The following ZNF804B variants were observed in gnomAD, a reference collection of about 807,000 sequenced individuals.
ZNF804B encodes zinc finger protein 804B, also known as zinc finger 804B.
A neutral mutation model predicts 101.4 loss-of-function variants in ZNF804B; 80 were observed. That is an observed-to-expected ratio of 0.79 (90% CI 0.66 to 0.95). ZNF804B has a LOEUF of 0.95. Among genes scored for constraint, ZNF804B ranks in the 40% least tolerant of loss-of-function variants. The pLI is 0.00. For missense variants in ZNF804B, 1,673 were observed against 1,561.9 expected, an observed-to-expected ratio of 1.07 and a Z score of -1.20; for synonymous variants, 622 against 558.8, an observed-to-expected ratio of 1.11 and a Z score of -1.59.
At chr7:89,296,608 A>G (rs765579609) in intron 2 of ZNF804B, among the ~76,000 whole-genome samples, 16 of 152,136 alleles carry the variant, frequency 1.1e-4, no homozygotes, top group Non-Finnish European at 1.8e-4. Context: ...TACATAGGAG[A>G]TCTCAGCGTC....
intron 2 of ZNF804B, among the ~76,000 whole-genome samples, chr7:89,271,613 C>T (rs1324076069): frequency 2.0e-5 from 3 of 151,956 alleles, no homozygotes; most frequent in South Asian, 2.1e-4. Flanking sequence ...TCCCTCTGTT[C>T]CTATTGATTG....
intron 1 of ZNF804B, among the ~76,000 whole-genome samples, chr7:88,866,201 T>A (rs1372538512): frequency 6.6e-6 from 1 of 152,236 alleles, no homozygotes; most frequent in Non-Finnish European, 1.5e-5. Flanking sequence ...ACTCTTGATT[T>A]AATTGTGATT....
intron 1 of ZNF804B, among the ~76,000 whole-genome samples, chr7:89,156,111 CTCTTTCCT>C (rs978033334): frequency 1.6e-5 from 2 of 128,324 alleles, no homozygotes; most frequent in African/African-American, 3.0e-5. Context: ...CTCTCTTTCT[CTCTTTCCT>C]TCTTTCCTTC....
chr7:89,289,390 T>TA (rs1334466605), intron 2 of ZNF804B, among the ~76,000 whole-genome samples: 1 of 151,934 alleles, frequency 6.6e-6, no homozygotes, highest in Non-Finnish European at 1.5e-5. Context: ...TTCTTAAGAA[T>TA]AAAAATCAGG....
At chr7:88,819,723 C>T (rs1476555729) in intron 1 of ZNF804B, among the ~76,000 whole-genome samples, 3 of 152,080 alleles carry the variant, frequency 2.0e-5, no homozygotes, top group African/African-American at 7.2e-5. Context: ...ACATGAATTG[C>T]TAGGTAGAAA....
chr7:89,011,343 C>T (rs1257559530), intron 1 of ZNF804B, among the ~76,000 whole-genome samples: 1 of 152,106 alleles, frequency 6.6e-6, no homozygotes, highest in East Asian at 1.9e-4. Context: ...ATCATTCTGC[C>T]CCTGGCACCT....
chr7:89,037,191 C>A (rs1274066273), intron 1 of ZNF804B, among the ~76,000 whole-genome samples: 6 of 152,036 alleles, frequency 3.9e-5, no homozygotes, highest in Non-Finnish European at 8.8e-5. Flanking sequence ...GAAATGTATT[C>A]AAGTTGACCT....
intron 1 of ZNF804B, among the ~76,000 whole-genome samples, chr7:89,023,900 T>G (rs1219557913): frequency 6.6e-6 from 1 of 152,196 alleles, no homozygotes; most frequent in Non-Finnish European, 1.5e-5. Context: ...TAGGAAGTTT[T>G]AAACTGATAA....
intron 2 of ZNF804B, among the ~76,000 whole-genome samples, chr7:89,321,072 C>T (rs2115968284): frequency 6.6e-6 from 1 of 152,100 alleles, no homozygotes; most frequent in East Asian, 1.9e-4. Context: ...ACCATGTATA[C>T]TGAAATGAAG....
intron 2 of ZNF804B, among the ~76,000 whole-genome samples, chr7:89,220,049 A>ATATACGCACATATATGTGTG (rs1431553155): frequency 0.039 from 3,961 of 101,852 alleles, 694 homozygotes; most frequent in Non-Finnish European, 0.047. Context: ...ATATGTGCAT[A>ATATACGCACATATATGTGTG]TATACATATA....
rs186290594 is a variant in ZNF804B, at chr7:88,875,865, A to C, written c.108+115781A>C. 1.4e-3 allele frequency among the ~76,000 whole-genome samples: 218 copies of C among 152,314 alleles called. 4 individuals are homozygous for C. The highest frequency in any genetic ancestry group is 0.013 in the Admixed American group (194 of 15,292). Reference sequence around the variant, plus strand: ...GGGCAGAGACACAACCAAAAAAGAGAATTTTAGACCAATATCCTTGATGAA... The same window carrying C: ...GGGCAGAGACACAACCAAAAAAGAGCATTTTAGACCAATATCCTTGATGAA... On this transcript the variant is annotated intron_variant, in intron 1 of 3. Coordinates refer to ENST00000333190, the MANE Select transcript of ZNF804B (RefSeq NM_181646.5).
intron 2 of ZNF804B, among the ~76,000 whole-genome samples, chr7:89,253,226 AT>A (rs1789569237): frequency 6.6e-6 from 1 of 152,164 alleles, no homozygotes; most frequent in Admixed American, 6.5e-5. Context: ...AAATTTAAGT[AT>A]TTTTATAAAC....
intron 1 of ZNF804B, among the ~76,000 whole-genome samples, chr7:89,141,781 A>T (rs10266415): frequency 2.0e-5 from 3 of 151,438 alleles, no homozygotes; most frequent in Non-Finnish European, 4.4e-5. Flanking sequence ...AATATATGGG[A>T]GATTTGTAAG....
intron 1 of ZNF804B, among the ~76,000 whole-genome samples, chr7:88,847,458 T>C (rs1791392135): frequency 1.3e-5 from 2 of 152,138 alleles, no homozygotes; most frequent in Non-Finnish European, 2.9e-5. Context: ...TAAGCTTAAT[T>C]TTAAAACTGA....
chr7:89,313,993 C>T (rs1001387088), intron 2 of ZNF804B, among the ~76,000 whole-genome samples: 1 of 152,160 alleles, frequency 6.6e-6, no homozygotes, highest in Non-Finnish European at 1.5e-5. Context: ...TTTTACTTTA[C>T]ATACCTCTAT....
intron 2 of ZNF804B, among the ~76,000 whole-genome samples, chr7:89,285,027 T>C (rs945909617): frequency 6.6e-6 from 1 of 151,782 alleles, no homozygotes; most frequent in African/African-American, 2.4e-5. Context: ...AGTGAGACCC[T>C]GTCTCCACTA....
At chr7:88,997,799 C>G (rs1351741334) in intron 1 of ZNF804B, among the ~76,000 whole-genome samples, 1 of 152,110 alleles carries the variant, frequency 6.6e-6, no homozygotes, top group African/African-American at 2.4e-5. Context: ...TCCTATCGCA[C>G]CACTCAAAAT....
intron 2 of ZNF804B, among the ~76,000 whole-genome samples, chr7:89,307,654 A>C (rs527319379): frequency 6.6e-6 from 1 of 152,168 alleles, no homozygotes. Context: ...ATATATGTAA[A>C]GTTTTATTCA....
At chr7:89,197,052 CTG>C (rs750273557) in intron 1 of ZNF804B, among the ~76,000 whole-genome samples, 4 of 151,944 alleles carry the variant, frequency 2.6e-5, no homozygotes, top group African/African-American at 4.8e-5. Flanking sequence ...TTATGGGAGA[CTG>C]TGGTGATTCC....
Sources: gnomAD v4.1 joint callset for allele counts (sites outside exome capture counted in the v4.1 genomes callset) on GRCh38, gnomAD v4.1.1 for gene constraint, MANE v1.5 for transcripts, NCBI Gene and HGNC (gene_info 2026-07-23, HGNC 2026-07-21) for gene names.